Variants in ASTN2 observed in about 807,000 individuals in gnomAD.
ASTN2 encodes astrotactin-2.
Under a neutral mutation model 139.8 loss-of-function variants are expected in ASTN2, and 54 were observed. The observed-to-expected ratio is 0.39, with a 90% confidence interval of 0.31 to 0.48. ASTN2 has a LOEUF of 0.48. Among genes scored for constraint, ASTN2 ranks in the 20% least tolerant of loss-of-function variants. The pLI, the probability that ASTN2 is intolerant of heterozygous loss-of-function variation, is 0.95. For missense variants in ASTN2, 1,565 were observed against 1,725.1 expected (o/e 0.91, Z 1.64); for synonymous variants, 756 against 719.5 (o/e 1.05, Z -0.81).
At chr9:116,887,714 G>A (rs924672050) in intron 10 of ASTN2, among the ~76,000 whole-genome samples, 8 of 151,698 alleles carry the variant, frequency 5.3e-5, no homozygotes, top group African/African-American at 1.5e-4. Flanking sequence ...GCCACCCAGG[G>A]TGGAGTGCAA....
intron 5 of ASTN2, among the ~76,000 whole-genome samples, chr9:117,048,786 C>G (rs1838821910): frequency 6.6e-6 from 1 of 152,070 alleles, no homozygotes; most frequent in Non-Finnish European, 1.5e-5. Context: ...AAGTGACAGT[C>G]TTAAAGGTGA....
chr9:117,216,215 T>C (rs189420786), intron 2 of ASTN2, among the ~76,000 whole-genome samples: 1 of 152,212 alleles, frequency 6.6e-6, no homozygotes, highest in Admixed American at 6.5e-5. Flanking sequence ...TTTGCTGAAA[T>C]GGGTCAGCCA....
intron 1 of ASTN2, among the ~76,000 whole-genome samples, chr9:117,367,347 C>A (rs543184750): frequency 2.0e-5 from 3 of 152,182 alleles, no homozygotes; most frequent in Non-Finnish European, 4.4e-5. Flanking sequence ...GAGTGGGGAG[C>A]ATGAGCTATG....
intron 19 of ASTN2, among the ~76,000 whole-genome samples, chr9:116,489,835 A>G (rs1849457044): frequency 6.6e-6 from 1 of 152,150 alleles, no homozygotes; most frequent in Non-Finnish European, 1.5e-5. Flanking sequence ...AAGACAATAC[A>G]TGGTTCATAG....
At chr9:116,896,723 C>T (rs896601198) in intron 10 of ASTN2, among the ~76,000 whole-genome samples, 4 of 152,088 alleles carry the variant, frequency 2.6e-5, no homozygotes, top group Admixed American at 2.0e-4. Context: ...GAAGCAGGGA[C>T]GTCTCACATG....
intron 2 of ASTN2, among the ~76,000 whole-genome samples, chr9:117,230,816 G>A (rs895792637): frequency 6.6e-6 from 1 of 152,112 alleles, no homozygotes; most frequent in Non-Finnish European, 1.5e-5. Context: ...CAGCAATGAC[G>A]AAAGATTCCA....
At chr9:117,059,339 C>G (rs151323364) in intron 5 of ASTN2, among the ~76,000 whole-genome samples, 1 of 152,104 alleles carries the variant, frequency 6.6e-6, no homozygotes, top group African/African-American at 2.4e-5. Context: ...ATAGGCCAGG[C>G]GTGGTGGCTC....
At chr9:117,141,295 C>T (rs1830068720) in intron 4 of ASTN2, 31 bp downstream of exon 4, 9 of 1,364,044 alleles carry the variant, frequency 6.6e-6, no homozygotes, top group Non-Finnish European at 8.8e-6. Flanking sequence ...AACCTTCTGA[C>T]TTCCTGGCCA....
chr9:116,830,495 T>A (rs541583511), intron 11 of ASTN2, among the ~76,000 whole-genome samples: 1 of 151,622 alleles, frequency 6.6e-6, no homozygotes, highest in South Asian at 2.1e-4. Flanking sequence ...AGAGAAAAAA[T>A]CATTAATTAC....
At chr9:116,591,399 C>G (rs1049952249) in intron 19 of ASTN2, among the ~76,000 whole-genome samples, 2 of 152,236 alleles carry the variant, frequency 1.3e-5, no homozygotes, top group Non-Finnish European at 2.9e-5. Flanking sequence ...CACCCACTAG[C>G]TCACACACCC....
intron 13 of ASTN2, among the ~76,000 whole-genome samples, chr9:116,771,561 A>G (rs1261508953): frequency 6.6e-6 from 1 of 152,202 alleles, no homozygotes; most frequent in East Asian, 1.9e-4. Flanking sequence ...AATCTGGCAC[A>G]TAGTAGGAGC....
At chr9:117,010,714 G>T (rs1183105454) in intron 6 of ASTN2, among the ~76,000 whole-genome samples, 2 of 152,146 alleles carry the variant, frequency 1.3e-5, no homozygotes, top group African/African-American at 4.8e-5. Flanking sequence ...ATGTTTTGGG[G>T]TACATATTCT....
intron 1 of ASTN2, among the ~76,000 whole-genome samples, chr9:117,292,480 T>C (rs1446734572): frequency 2.0e-5 from 3 of 152,180 alleles, no homozygotes; most frequent in East Asian, 1.9e-4. Flanking sequence ...TATCAGTGAA[T>C]CTTATGCATG....
chr9:117,147,468 C>CT, intron 3 of ASTN2, among the ~76,000 whole-genome samples: 1 of 151,584 alleles, frequency 6.6e-6, no homozygotes, highest in Non-Finnish European at 1.5e-5. Context: ...CACACACCCC[C>CT]GTTATCCACC....
intron 2 of ASTN2, among the ~76,000 whole-genome samples, chr9:117,256,364 G>T (rs1307478680): frequency 6.6e-6 from 1 of 152,220 alleles, no homozygotes; most frequent in African/African-American, 2.4e-5. Flanking sequence ...AGGGTGGACA[G>T]AGAATAAAGG....
chr9:117,144,660 G>GTTTTTTTTTTTTTTTTTT (rs71379267), intron 3 of ASTN2, among the ~76,000 whole-genome samples: 3 of 78,350 alleles, frequency 3.8e-5, no homozygotes, highest in African/African-American at 1.2e-4. Flanking sequence ...GTGAACACTA[G>GTTTTTTTTTTTTTTTTTT]TTTTTTTTTT....
chr9:117,412,115 CAAAT>C (rs1240297568), intron 1 of ASTN2, among the ~76,000 whole-genome samples: 1 of 151,734 alleles, frequency 6.6e-6, no homozygotes, highest in East Asian at 1.9e-4. Context: ...AAGACCAACA[CAAAT>C]AAAAATCCCA....
intron 1 of ASTN2, among the ~76,000 whole-genome samples, chr9:117,352,998 A>G (rs1274163235): frequency 6.6e-6 from 1 of 152,194 alleles, no homozygotes; most frequent in African/African-American, 2.4e-5. Context: ...AGAAGTTATC[A>G]GGGTTGGGAG....
At chr9:116,569,813 G>C (rs914302537) in intron 19 of ASTN2, among the ~76,000 whole-genome samples, 1 of 152,218 alleles carries the variant, frequency 6.6e-6, no homozygotes, top group Non-Finnish European at 1.5e-5. Flanking sequence ...CCTAAGTGGA[G>C]ACCTCTTTCC....
Sources: allele counts gnomAD v4.1 joint callset (sites outside exome capture counted in the v4.1 genomes callset), GRCh38; gene constraint gnomAD v4.1.1; transcripts MANE v1.5; gene names NCBI Gene and HGNC (gene_info 2026-07-23, HGNC 2026-07-21).